Variants in SLC44A1 observed in about 807,000 individuals in gnomAD.
SLC44A1 encodes the protein choline transporter-like protein 1.
Under a neutral mutation model 79.3 loss-of-function variants are expected in SLC44A1, and 26 were observed. The observed-to-expected ratio is 0.33, with a 90% CI of 0.24 to 0.46. SLC44A1 has a LOEUF of 0.46. Ranked by LOEUF, SLC44A1 falls within the 20% of genes least tolerant of loss-of-function variation. The pLI is 1.00. For missense variants in SLC44A1, 688 were observed against 798.1 expected (o/e 0.86, Z 1.66); for synonymous variants, 263 against 286.2 (o/e 0.92, Z 0.82).
At position 105,387,053 on chromosome 9, in the gene SLC44A1, A is replaced by AT. The variant is rs1372653656; in HGVS notation, c.1950+1551_1950+1552insT. 1.8e-4 allele frequency among the ~76,000 whole-genome samples: 11 copies of AT among 60,270 alleles called. 1 individual carries two copies. The highest frequency in any genetic ancestry group is 5.8e-4 in the African/African-American group (9 of 15,388). 39.5% of individuals were successfully genotyped at this position (60,270 alleles called of 152,430 possible). A position where few individuals can be genotyped will look rare whatever the true frequency, so the allele number is the denominator to read the frequency against. On this transcript the variant is annotated intron_variant, in intron 15 of 15. Transcript: ENST00000374720. Reference sequence around the variant, plus strand: ...GACTCCATCTCAAAAAAAAAAAAAAAAAAAAAAATATATATATATATGATA... The same window carrying AT: ...GACTCCATCTCAAAAAAAAAAAAAAATAAAAAAAATATATATATATATGATA...
chr9:105,274,699 A>C (rs1830159713), intron 1 of SLC44A1, among the ~76,000 whole-genome samples: 2 of 152,244 alleles, frequency 1.3e-5, no homozygotes, highest in Non-Finnish European at 2.9e-5. Flanking sequence ...AGAGTAAATA[A>C]CAGTAACACA....
At chr9:105,271,460 GA>G in intron 1 of SLC44A1, among the ~76,000 whole-genome samples, 1 of 152,166 alleles carries the variant, frequency 6.6e-6, no homozygotes, top group East Asian at 1.9e-4. Flanking sequence ...GACTTCGTTG[GA>G]ATATCAGTAA....
intron 5 of SLC44A1, among the ~76,000 whole-genome samples, chr9:105,354,805 T>C (rs757536757): frequency 6.6e-6 from 1 of 152,212 alleles, no homozygotes; most frequent in Non-Finnish European, 1.5e-5. Flanking sequence ...AACTAATACA[T>C]AGTGTGCTTA....
intron 12 of SLC44A1, 114 bp downstream of exon 12, chr9:105,366,543 T>C: frequency 2.1e-6 from 1 of 470,352 alleles, no homozygotes; most frequent in Non-Finnish European, 3.6e-6. Context: ...GTATTGTACA[T>C]TGTGCCTTGA....
In SLC44A1 at chr9:105,328,260, AAATACACAGTGTGTG is replaced by A. The variant is rs537026354; in HGVS notation, c.270-7300_270-7286del. 1.1e-3 allele frequency among the ~76,000 whole-genome samples: 173 copies of A among 152,332 alleles called. 2 individuals carry two copies. The highest frequency in any genetic ancestry group is 4.0e-3 in the African/African-American group (168 of 41,570). The stretch of plus-strand genomic sequence containing the variant: ...TGGAAAATAAACAGATAAATAAGTA[AAATACACAGTGTGTG>A]AACGAGTGTAAGTCTGAGGAGAAAC... On this transcript the variant is annotated intron_variant, in intron 3 of 15. Transcript: ENST00000374720.
Position 105,365,618 on chromosome 9 carries a change from T to G in SLC44A1, c.1389T>G (p.Ile463Met). 1 of 1,613,838 alleles carries G rather than the reference T, an allele frequency of 6.2e-7. No individual in the cohort carries two copies. Among genetic ancestry groups the G allele is most frequent in the Non-Finnish European group, 8.5e-7 (1 of 1,179,786 alleles). The change falls in exon 11 of 16, where the codon ATT becomes ATG. Residue 463 changes from isoleucine to methionine, a missense_variant. Coordinates refer to ENST00000374720, the MANE Select transcript of SLC44A1 (RefSeq NM_080546.5). The part of the protein sequence containing the change: ...VKIPRMILMY[I>M]HSQLKGKENA... Reference sequence around the variant, plus strand: ...TTCCGCGAATGATCCTTATGTATATTCACAGTCAGCTCAAAGGAAAGGTAA... The same window carrying G: ...TTCCGCGAATGATCCTTATGTATATGCACAGTCAGCTCAAAGGAAAGGTAA...
At chr9:105,332,672 C>T (rs1826789177) in intron 3 of SLC44A1, among the ~76,000 whole-genome samples, 1 of 152,088 alleles carries the variant, frequency 6.6e-6, no homozygotes, top group African/African-American at 2.4e-5. Flanking sequence ...ACTTGGTTCT[C>T]AAGGGTAATG....
rs115049292 is a variant in SLC44A1, at chr9:105,289,232, T to C, written c.37-9988T>C. ...ATTTATGTGCTAACTGCGGTAACTA[T>C]TGGGGACATAGGAGTTAACAAAGTC... On this transcript the variant is annotated intron_variant, in intron 1 of 15. Transcript: ENST00000374720. Among the ~76,000 whole-genome samples, 1,145 of 152,302 alleles carry C rather than the reference T, an allele frequency of 7.5e-3. 13 individuals carry two copies. Among genetic ancestry groups the C allele is most frequent in the African/African-American group, 0.025 (1,059 of 41,562 alleles).
chr9:105,409,781 AT>A (rs1162805062), intron 15 of SLC44A1, among the ~76,000 whole-genome samples: 1 of 152,232 alleles, frequency 6.6e-6, no homozygotes, highest in African/African-American at 2.4e-5. Flanking sequence ...TGAGACTTCA[AT>A]ATTTCATTTT....
At chr9:105,434,515 C>A (rs1031974027) in intron 15 of SLC44A1, among the ~76,000 whole-genome samples, 7 of 152,056 alleles carry the variant, frequency 4.6e-5, no homozygotes, top group African/African-American at 1.2e-4. Flanking sequence ...GAGATTCATT[C>A]CGGGGGATTC....
intron 1 of SLC44A1, among the ~76,000 whole-genome samples, chr9:105,246,993 C>A (rs918631895): frequency 1.3e-5 from 2 of 152,278 alleles, no homozygotes; most frequent in Admixed American, 1.3e-4. Flanking sequence ...ATTCCTATAA[C>A]CAATCAACAG....
intron 3 of SLC44A1, among the ~76,000 whole-genome samples, chr9:105,316,584 G>GA (rs1831333790): frequency 6.6e-6 from 1 of 151,970 alleles, no homozygotes; most frequent in South Asian, 2.1e-4. Flanking sequence ...TTGGGTAATG[G>GA]AAAAAAAGGA....
chr9:105,287,902 A>C (rs2131266505), intron 1 of SLC44A1, among the ~76,000 whole-genome samples: 1 of 152,360 alleles, frequency 6.6e-6, no homozygotes, highest in South Asian at 2.1e-4. Flanking sequence ...AAATGACTTA[A>C]ACATTTTCTG....
chr9:105,435,584 T>C (rs1312153467), intron 15 of SLC44A1, among the ~76,000 whole-genome samples: 1 of 152,146 alleles, frequency 6.6e-6, no homozygotes, highest in Non-Finnish European at 1.5e-5. Context: ...TGCTGCAAAG[T>C]TGGTTAATCA....
Position 105,287,570 on chromosome 9 carries a change from G to A in SLC44A1, c.37-11650G>A, listed in dbSNP as rs190213603. Reference sequence around the variant, plus strand: ...GGGAAGATTTTCCTGTATCCCACTAGGAAAGGACATAACAATGATTTAGGG... The same window carrying A: ...GGGAAGATTTTCCTGTATCCCACTAAGAAAGGACATAACAATGATTTAGGG... On this transcript the variant is annotated intron_variant, in intron 1 of 15. Coordinates refer to ENST00000374720, the MANE Select transcript of SLC44A1 (RefSeq NM_080546.5). 4.7e-4 allele frequency among the ~76,000 whole-genome samples: 71 copies of A among 152,162 alleles called. 1 individual carries two copies. The highest frequency in any genetic ancestry group is 1.7e-3 in the African/African-American group (71 of 41,526).
intron 3 of SLC44A1, among the ~76,000 whole-genome samples, chr9:105,329,754 A>G (rs1826692307): frequency 6.6e-6 from 1 of 152,068 alleles, no homozygotes; most frequent in African/African-American, 2.4e-5. Flanking sequence ...AGTTCCTTAA[A>G]TATGCTCTTT....
chr9:105,311,185 GA>G (rs1424659914), intron 3 of SLC44A1, among the ~76,000 whole-genome samples: 1 of 152,056 alleles, frequency 6.6e-6, no homozygotes, highest in Non-Finnish European at 1.5e-5. Context: ...GCAAGACTAC[GA>G]TTTTTTTATT....
intron 3 of SLC44A1, among the ~76,000 whole-genome samples, chr9:105,323,657 A>G (rs747398664): frequency 7.2e-5 from 11 of 152,206 alleles, no homozygotes; most frequent in Non-Finnish European, 1.3e-4. Context: ...TTTAACCTAG[A>G]TGGGGAAAAC....
intron 15 of SLC44A1, among the ~76,000 whole-genome samples, chr9:105,435,631 G>C (rs1829454544): frequency 6.6e-6 from 1 of 152,128 alleles, no homozygotes. Context: ...TTTCTTTAGT[G>C]GTTCTCCTGT....
Sources: allele counts gnomAD v4.1 joint callset (sites outside exome capture counted in the v4.1 genomes callset), GRCh38; gene constraint gnomAD v4.1.1; transcripts MANE v1.5; gene names NCBI Gene and HGNC (gene_info 2026-07-23, HGNC 2026-07-21).